PLAC1: variants seen among roughly 807,000 people sequenced by gnomAD.
PLAC1 encodes the protein placenta-specific protein 1.
For synonymous variants in PLAC1, 68 were observed against 62.1 expected, an observed-to-expected ratio of 1.09 and a Z score of -0.44; for missense variants, 136 against 163.2, an observed-to-expected ratio of 0.83 and a Z score of 0.91.
At chrX:134,596,819 A>G (rs1828529137) in intron 2 of PLAC1, among the ~76,000 whole-genome samples, 1 of 105,724 alleles carries the variant, frequency 9.5e-6, no homozygotes, top group Non-Finnish European at 2.0e-5. Context: ...CTGGTCTCAA[A>G]CTCCTGGGCT....
chrX:134,692,164 T>C (rs2078544944), intron 2 of PLAC1, among the ~76,000 whole-genome samples: 1 of 111,755 alleles, frequency 8.9e-6, no homozygotes, highest in African/African-American at 3.3e-5. Flanking sequence ...CTCTTTCCAT[T>C]CATTACATAC....
chrX:134,736,664 C>T (rs920002612), intron 1 of PLAC1, among the ~76,000 whole-genome samples: 2 of 112,162 alleles, frequency 1.8e-5, no homozygotes, highest in Non-Finnish European at 3.8e-5. Flanking sequence ...GAAATCGAAG[C>T]TTTGCTATGC....
At chrX:134,705,452 A>G (rs2078601644) in intron 2 of PLAC1, among the ~76,000 whole-genome samples, 1 of 109,336 alleles carries the variant, frequency 9.1e-6, no homozygotes, top group South Asian at 4.0e-4. Context: ...AGTATCTAGA[A>G]ACTGTTAGAA....
At chrX:134,641,974 G>A (rs2078309788) in intron 1 of PLAC1, among the ~76,000 whole-genome samples, 1 of 112,420 alleles carries the variant, frequency 8.9e-6, no homozygotes, top group Non-Finnish European at 1.9e-5. Context: ...GGAAACAAGA[G>A]GAGTGGAAGT....
At chrX:134,597,411 A>C (rs1446758550) in intron 2 of PLAC1, among the ~76,000 whole-genome samples, 1 of 112,207 alleles carries the variant, frequency 8.9e-6, no homozygotes, top group Non-Finnish European at 1.9e-5. Flanking sequence ...TTGCTCATTG[A>C]AGCATTTTTA....
intron 2 of PLAC1, chrX:134,599,430 G>T (rs2078078355): frequency 9.0e-6 from 1 of 111,505 alleles, no homozygotes; most frequent in Non-Finnish European, 1.9e-5. Flanking sequence ...CTTTTACTCA[G>T]CACTTCTCTC....
chrX:134,670,605 G>A (rs1190967580), intron 2 of PLAC1, among the ~76,000 whole-genome samples: 10 of 111,314 alleles, frequency 9.0e-5, no homozygotes, highest in Admixed American at 8.6e-4. Context: ...CCCAGTCCCT[G>A]AGCACACCAC....
At chrX:134,745,695 A>T (rs2078727587) in intron 1 of PLAC1, among the ~76,000 whole-genome samples, 1 of 111,907 alleles carries the variant, frequency 8.9e-6, no homozygotes, top group Non-Finnish European at 1.9e-5. Flanking sequence ...CTTTTCTAAA[A>T]TGGGCTTTCC....
rs866805325 is a variant in PLAC1, at chrX:134,750,812, A to T, written n.89+13422T>A. Among the ~76,000 whole-genome samples the T allele has an allele frequency of 7.5e-4, 39 of 51,973 alleles. 5 individuals are homozygous for T. The highest frequency in any genetic ancestry group is 4.7e-3 in the African/African-American group (36 of 7,646). 45.1% of individuals were successfully genotyped at this position (51,973 alleles called of 115,157 possible). A position where few individuals can be genotyped will look rare whatever the true frequency, so the allele number is the denominator to read the frequency against. On this transcript the variant is annotated intron_variant and non_coding_transcript_variant, in intron 1 of 2. Transcript: ENST00000466797. ...TCTCTAATAAAAATACAAAAAAAAA[A>T]ATATATATATATATATATATATTTA...
chrX:134,579,312 C>T (rs1002679897), intron 2 of PLAC1, among the ~76,000 whole-genome samples: 43 of 111,265 alleles, frequency 3.9e-4, no homozygotes, highest in Admixed American at 2.8e-3. Context: ...ATAAGTCAAT[C>T]GGGGCCTCAG....
intron 2 of PLAC1, among the ~76,000 whole-genome samples, chrX:134,664,336 T>C (rs1472254749): frequency 8.9e-6 from 1 of 112,338 alleles, no homozygotes; most frequent in Non-Finnish European, 1.9e-5. Flanking sequence ...CCCAGTTTTT[T>C]ACATGCCTGG....
intron 2 of PLAC1, among the ~76,000 whole-genome samples, chrX:134,691,335 C>T (rs1299005168): frequency 9.1e-6 from 1 of 109,312 alleles, no homozygotes; most frequent in Non-Finnish European, 1.9e-5. Context: ...AGGATCTGTT[C>T]GAGGAAACCA....
chrX:134,704,349 T>A (rs1189889989), intron 2 of PLAC1, among the ~76,000 whole-genome samples: 1 of 106,286 alleles, frequency 9.4e-6, no homozygotes, highest in Non-Finnish European at 1.9e-5. Flanking sequence ...AAAAATTAGC[T>A]GGGCGTGGTG....
chrX:134,683,210 G>T (rs781565421), intron 2 of PLAC1, among the ~76,000 whole-genome samples: 1 of 109,944 alleles, frequency 9.1e-6, no homozygotes, highest in Non-Finnish European at 1.9e-5. Context: ...GATTGATTTG[G>T]GGTGTGTGGG....
At chrX:134,721,467 C>T (rs1206335403) in intron 2 of PLAC1, among the ~76,000 whole-genome samples, 3 of 110,896 alleles carry the variant, frequency 2.7e-5, no homozygotes, top group East Asian at 2.8e-4. Flanking sequence ...CCCAGCTACT[C>T]GGGAGGCTGA....
intron 1 of PLAC1, among the ~76,000 whole-genome samples, chrX:134,737,200 A>G (rs140582301): frequency 0.034 from 3,838 of 112,366 alleles, 155 homozygotes; most frequent in African/African-American, 0.12. Flanking sequence ...ACTGCAGGCA[A>G]TGTTATGATT....
chrX:134,680,410 C>T (rs1015034509), intron 2 of PLAC1, among the ~76,000 whole-genome samples: 4 of 111,033 alleles, frequency 3.6e-5, no homozygotes, highest in Admixed American at 1.9e-4. Context: ...CACATGCCAG[C>T]GTGCCCTGGA....
At chrX:134,644,382 C>T (rs765211819) in intron 1 of PLAC1, among the ~76,000 whole-genome samples, 8 of 111,054 alleles carry the variant, frequency 7.2e-5, no homozygotes, top group Non-Finnish European at 1.5e-4. Flanking sequence ...ATCTTCCTTC[C>T]ATGTCTACTG....
chrX:134,580,267 C>T (rs754480974), intron 2 of PLAC1, among the ~76,000 whole-genome samples: 16 of 112,005 alleles, frequency 1.4e-4, no homozygotes, highest in African/African-American at 3.2e-4. Flanking sequence ...ACTGAGATTC[C>T]CGCAGAAAGA....
Sources: allele counts gnomAD v4.1 joint callset (sites outside exome capture counted in the v4.1 genomes callset), GRCh38; gene constraint gnomAD v4.1.1; transcripts MANE v1.5; gene names NCBI Gene and HGNC (gene_info 2026-07-23, HGNC 2026-07-21).